KIAA1549: variants seen among roughly 807,000 people sequenced by gnomAD.
KIAA1549 encodes UPF0606 protein KIAA1549.
KIAA1549 carries 70 observed loss-of-function variants against 156.4 expected under a neutral mutation model. The ratio of observed to expected loss-of-function variants is 0.45; its 90% CI spans 0.37 to 0.55. The LOEUF (loss-of-function observed/expected upper bound fraction) is 0.55. Among genes scored for constraint, KIAA1549 ranks in the 20% least tolerant of loss-of-function variants. KIAA1549 has a pLI of 0.00. For synonymous variants in KIAA1549, 1,103 were observed against 1,066.4 expected (o/e 1.03, Z -0.67); for missense variants, 2,428 against 2,540.9 (o/e 0.96, Z 0.96).
intron 1 of KIAA1549, among the ~76,000 whole-genome samples, chr7:138,980,594 C>T (rs1187912669): frequency 1.3e-5 from 2 of 152,190 alleles, no homozygotes; most frequent in East Asian, 1.9e-4. Flanking sequence ...TCCTGCTGTA[C>T]GGGGGGACAC....
chr7:138,933,609 G>A (rs554639914), intron 1 of KIAA1549, among the ~76,000 whole-genome samples: 1 of 152,178 alleles, frequency 6.6e-6, no homozygotes, highest in African/African-American at 2.4e-5. Flanking sequence ...TATTATTAGG[G>A]GAAGCTGAAT....
intron 2 of KIAA1549, among the ~76,000 whole-genome samples, chr7:138,912,962 C>T (rs999920495): frequency 2.6e-5 from 4 of 152,202 alleles, no homozygotes; most frequent in African/African-American, 9.6e-5. Context: ...GTAAGCTCCG[C>T]CTCCCGGGTT....
At chr7:138,903,856 C>CGA (rs1811928291) in intron 7 of KIAA1549, 120 bp from the exon 8 acceptor site, 1 of 493,836 alleles carries the variant, frequency 2.0e-6, no homozygotes, top group African/African-American at 3.7e-5. Flanking sequence ...TGTGTGTGCG[C>CGA]GCGCGCGCGC....
At chr7:138,972,613 G>T (rs1406457707) in intron 1 of KIAA1549, among the ~76,000 whole-genome samples, 1 of 151,744 alleles carries the variant, frequency 6.6e-6, no homozygotes, top group Non-Finnish European at 1.5e-5. Context: ...TCACACGGTG[G>T]GTTCCCTAAC....
In KIAA1549 at chr7:138,918,046, C is replaced by G. The variant is rs373550190; in HGVS notation, c.1580G>C (p.Arg527Pro). 6.2e-7 allele frequency: 1 copy of G among 1,611,440 alleles called. No individual in the cohort carries two copies. The highest frequency in any genetic ancestry group is 1.3e-5 in the African/African-American group (1 of 74,964). Residue 527 changes from arginine to proline, a missense_variant, in exon 2 of 20, where the codon CGC becomes CCC. This residue lies in a region of KIAA1549 where 893 missense variants were observed against 847.9 expected (regional missense o/e 1.05). Coordinates refer to ENST00000422774, the MANE Select transcript of KIAA1549 (RefSeq NM_001164665.2). The surrounding 1 kb of genome is among the most constrained non-coding windows in gnomAD (Gnocchi z 4.2). ...ATCAAGTGACGCCGGCACAGAGAGG[C>G]GGCCGTGGGCAGGGGGAACCTGTGT... Reference protein sequence around the residue: ...TTTQVPPAHGRLSVPASLDPT... With the variant: ...TTTQVPPAHGPLSVPASLDPT...
intron 15 of KIAA1549, among the ~76,000 whole-genome samples, chr7:138,864,748 C>G (rs769503046): frequency 1.3e-5 from 2 of 152,134 alleles, no homozygotes; most frequent in East Asian, 3.9e-4. Context: ...AATAGAACAC[C>G]CCCTTACACT....
At position 138,898,974 on chromosome 7, in the gene KIAA1549, A is replaced by G. The variant is rs1811766231; in HGVS notation, c.3828T>C (p.Ile1276=). ...QRAAIILGYR[I]QGVIAQPVDR... is the part of the protein sequence containing the mutation. ...ACTTACGCTGGGCAATGACACCTTG[A>G]ATTCGGTAACCCAAGATGATGGCTG... The change falls in exon 9 of 20, where the codon ATT becomes ATC. Residue 1276 remains isoleucine (I), a synonymous_variant. Transcript: ENST00000422774. 6.2e-7 allele frequency: 1 copy of G among 1,613,822 alleles called. No homozygotes were observed. Among genetic ancestry groups the G allele is most frequent in the Non-Finnish European group, 8.5e-7 (1 of 1,179,744 alleles).
At chr7:138,903,830 TGTGTGTGTGTGTGTGTGTGTGTGC>T (rs200352047) in intron 7 of KIAA1549, 94 bp from the exon 8 acceptor site, 4,354 of 325,000 alleles carry the variant, frequency 0.013, 104 homozygotes, top group East Asian at 0.07. Context: ...TGTGTGTGTG[TGTGTGTGTGTGTGTGTGTGTGTGC>T]GCGCGCGCGC....
chr7:138,961,846 GAAA>G (rs35074532), intron 1 of KIAA1549, among the ~76,000 whole-genome samples: 5 of 94,036 alleles, frequency 5.3e-5, no homozygotes, highest in Non-Finnish European at 1.2e-4. Context: ...TGTCTCTTAA[GAAA>G]AAAAAAAAAA....
rs771231920 is a variant in KIAA1549, at chr7:138,918,171, G to A, written c.1455C>T (p.Phe485=). Reference sequence around the variant, plus strand: ...AAAGTGGGACGATAGGTCTGGAGGGGAAAAGCGTATTAAATACTTGAGGAT... The same window carrying A: ...AAAGTGGGACGATAGGTCTGGAGGGAAAAAGCGTATTAAATACTTGAGGAT... ...EEDPQVFNTL[F]PSRPIVPLSS... is the part of the protein sequence containing the mutation. Residue 485 remains phenylalanine, a synonymous_variant, in exon 2 of 20, where the codon TTC becomes TTT. Coordinates refer to ENST00000422774, the MANE Select transcript of KIAA1549 (RefSeq NM_001164665.2). The surrounding 1 kb of genome is among the most constrained non-coding windows in gnomAD (Gnocchi z 4.2). The A allele has an allele frequency of 5.6e-6, 9 of 1,613,926 alleles. No individual in the cohort carries two copies. Among genetic ancestry groups the A allele is most frequent in the Non-Finnish European group, 6.8e-6 (8 of 1,179,824 alleles).
At chr7:138,980,370 T>C (rs1391749370) in intron 1 of KIAA1549, among the ~76,000 whole-genome samples, 1 of 152,278 alleles carries the variant, frequency 6.6e-6, no homozygotes, top group Non-Finnish European at 1.5e-5. Flanking sequence ...TCATAAATCA[T>C]GCCTCTTCAT....
chr7:138,917,331 T>C lies in KIAA1549; in HGVS notation c.2295A>G (p.Ala765=), dbSNP rs1188399552. The C allele has an allele frequency of 6.2e-7, 1 of 1,613,924 alleles. No homozygotes were observed. Among genetic ancestry groups the C allele is most frequent in the Admixed American group, 1.7e-5 (1 of 60,008 alleles). ...LESSLISHES[A]VTALVPPGSE... is the part of the protein sequence containing the mutation. ...AGCCGGGGGGCACCAGTGCAGTGAC[T>C]GCGGATTCATGGGAAATGAGTGAAG... The change falls in exon 2 of 20, where the codon GCA becomes GCG. Residue 765 remains alanine (A), a synonymous_variant. Coordinates refer to ENST00000422774, the MANE Select transcript of KIAA1549 (RefSeq NM_001164665.2).
At chr7:138,914,218 T>C (rs1001663037) in intron 2 of KIAA1549, among the ~76,000 whole-genome samples, 2 of 151,384 alleles carry the variant, frequency 1.3e-5, no homozygotes, top group Non-Finnish European at 3.0e-5. Context: ...GCCACCACCA[T>C]GACCTCCACT....
At chr7:138,860,822 T>A (rs1810549312) in intron 16 of KIAA1549, among the ~76,000 whole-genome samples, 1 of 152,160 alleles carries the variant, frequency 6.6e-6, no homozygotes, top group Non-Finnish European at 1.5e-5. Context: ...TTACCCCACC[T>A]CCATTCCGTG....
intron 1 of KIAA1549, among the ~76,000 whole-genome samples, chr7:138,947,805 C>G (rs914016584): frequency 1.6e-4 from 25 of 152,052 alleles, no homozygotes; most frequent in Admixed American, 1.1e-3. Flanking sequence ...CTCTGTTGCC[C>G]AGGCTGCAGT....
rs762823216 is a variant in KIAA1549 at position 138,919,066 on chromosome 7, C to A, written c.560G>T (p.Arg187Met). 6.2e-7 allele frequency: 1 copy of A among 1,613,988 alleles called. No homozygotes were observed. The highest frequency in any genetic ancestry group is 8.5e-7 in the Non-Finnish European group (1 of 1,179,886). Reference sequence around the variant, plus strand: ...AGTGAGCATAGGTTCTAATGCTTCCCTGGGCAGCCCTGGTGGGCTGACTGT... The same window carrying A: ...AGTGAGCATAGGTTCTAATGCTTCCATGGGCAGCCCTGGTGGGCTGACTGT... ...YITVSPPGLP[R>M]EALEPMLTPS... Residue 187 changes from arginine (R) to methionine (M), a missense_variant, in exon 2 of 20, where the codon AGG becomes ATG. Arg to Met is a moderately conservative substitution (Grantham distance 91, BLOSUM62 -1). This residue lies in a region of KIAA1549 where 893 missense variants were observed against 847.9 expected (regional missense o/e 1.05). Transcript: ENST00000422774.
chr7:138,977,738 C>T (rs979607113), intron 1 of KIAA1549, among the ~76,000 whole-genome samples: 2 of 151,840 alleles, frequency 1.3e-5, no homozygotes, highest in African/African-American at 2.4e-5. Context: ...CTTGCTCTGT[C>T]GTCCAGGCTG....
At chr7:138,842,088 A>T (rs1390614544) in intron 18 of KIAA1549, among the ~76,000 whole-genome samples, 1 of 152,208 alleles carries the variant, frequency 6.6e-6, no homozygotes, top group Non-Finnish European at 1.5e-5. Context: ...TGTTTGAGCA[A>T]ATCTTGCAAA....
In KIAA1549 at chr7:138,952,072, G is replaced by A. The variant is rs545446113; in HGVS notation, c.187+29011C>T. On this transcript the variant is annotated intron_variant, in intron 1 of 19. Transcript: ENST00000422774. ...CACAGGGTGGTTACGTGGACTGCACGGGTGAACGCACGGAAGGCACTAACT... is the reference window on the plus strand; with the variant it reads ...CACAGGGTGGTTACGTGGACTGCACAGGTGAACGCACGGAAGGCACTAACT... Among the ~76,000 whole-genome samples, 88 of 152,276 alleles carry A rather than the reference G, an allele frequency of 5.8e-4. 1 individual carries two copies. Among genetic ancestry groups the A allele is most frequent in the African/African-American group, 1.9e-3 (77 of 41,556 alleles).
Sources: allele counts gnomAD v4.1 joint callset (sites outside exome capture counted in the v4.1 genomes callset), GRCh38; gene constraint gnomAD v4.1.1; regional missense constraint gnomAD v4.1.1; non-coding constraint Gnocchi (gnomAD v3.1); transcripts MANE v1.5; gene names NCBI Gene and HGNC (gene_info 2026-07-23, HGNC 2026-07-21).